Variants in ASTN1 observed in about 807,000 individuals in gnomAD.
The protein encoded by ASTN1 is astrotactin 1.
A neutral mutation model predicts 140.7 loss-of-function variants in ASTN1; 41 were observed. That is an observed-to-expected ratio of 0.29 (90% CI 0.23 to 0.38). ASTN1 has a LOEUF of 0.38. ASTN1 is among the 10% of genes least tolerant of loss of function. ASTN1 has a pLI of 1.00. For synonymous variants in ASTN1, 640 were observed against 652.2 expected (o/e 0.98, Z 0.29); for missense variants, 1,479 against 1,678.8 (o/e 0.88, Z 2.08).
intron 8 of ASTN1, among the ~76,000 whole-genome samples, chr1:176,999,284 A>G (rs931584088): frequency 1.3e-5 from 2 of 152,172 alleles, no homozygotes; most frequent in African/African-American, 2.4e-5. Flanking sequence ...AGGAGCTACA[A>G]TCGATTCACT....
rs1177398516 is a variant in ASTN1, at chr1:176,965,901, C to T, written c.1524-664G>A. 4.0e-5 allele frequency among the ~76,000 whole-genome samples: 6 copies of T among 150,756 alleles called. No individual in the cohort carries two copies. The East Asian group carries it at 9.8e-4, about 24-fold the overall frequency. On this transcript the variant is annotated intron_variant, in intron 8 of 22. Transcript: ENST00000361833. The stretch of plus-strand genomic sequence containing the variant: ...TCACTCAAACAGAAACAATTGAAAT[C>T]GTGTTTGCAAATATTTCTTAACTGT...
chr1:177,153,419 C>T (rs1433721340), intron 1 of ASTN1, among the ~76,000 whole-genome samples: 2 of 151,960 alleles, frequency 1.3e-5, no homozygotes, highest in Admixed American at 6.6e-5. Flanking sequence ...TATAAATGAC[C>T]CAGCCTCAGG....
At chr1:176,964,051 T>C (rs1222075448) in intron 9 of ASTN1, among the ~76,000 whole-genome samples, 1 of 152,162 alleles carries the variant, frequency 6.6e-6, no homozygotes, top group African/African-American at 2.4e-5. Context: ...CTGCTATGGC[T>C]AAGCTGAGTC....
intron 1 of ASTN1, among the ~76,000 whole-genome samples, chr1:177,097,044 T>C (rs1170620693): frequency 2.6e-5 from 4 of 152,000 alleles, no homozygotes; most frequent in African/African-American, 9.7e-5. Context: ...ATTTCTGCTT[T>C]TTTTTTTAAT....
At chr1:176,958,015 T>C (rs1014957254) in intron 10 of ASTN1, among the ~76,000 whole-genome samples, 187 bp from the exon 11 acceptor site, 4 of 152,172 alleles carry the variant, frequency 2.6e-5, no homozygotes, top group Non-Finnish European at 4.4e-5. Flanking sequence ...ATCTAGGAAA[T>C]GAGCCAAGGC....
In ASTN1 at chr1:176,861,083, T is replaced by C. The variant is rs961270287; in HGVS notation, c.*3201A>G. 2.1e-6 allele frequency: 2 copies of C among 954,450 alleles called. No homozygotes were observed. The highest frequency in any genetic ancestry group is 2.5e-6 in the Non-Finnish European group (2 of 801,736). The allele number at this position is 954,450 out of a possible 1,614,324, so 59.1% of individuals were successfully genotyped here. On this transcript the variant is annotated 3_prime_UTR_variant, in exon 23 of 23. Coordinates refer to ENST00000361833, the MANE Select transcript of ASTN1 (RefSeq NM_004319.3). ...CATACCCAATGCTTACTAATAGCTT[T>C]GTTTTATTATTCAGTTAATTATTTC...
At chr1:176,889,770 G>A (rs1328964302) in intron 17 of ASTN1, among the ~76,000 whole-genome samples, 1 of 152,166 alleles carries the variant, frequency 6.6e-6, no homozygotes, top group Non-Finnish European at 1.5e-5. Context: ...GATTTACAGT[G>A]GAGAAGACTG....
intron 20 of ASTN1, among the ~76,000 whole-genome samples, chr1:176,881,789 A>C (rs958342423): frequency 1.3e-5 from 2 of 152,178 alleles, no homozygotes; most frequent in Non-Finnish European, 2.9e-5. Flanking sequence ...TTTTTCCTAT[A>C]TTGAAGACAT....
intron 21 of ASTN1, among the ~76,000 whole-genome samples, chr1:176,875,853 T>C (rs1668537964): frequency 6.6e-6 from 1 of 152,172 alleles, no homozygotes; most frequent in Non-Finnish European, 1.5e-5. Context: ...ACCAGGATGA[T>C]TAAAATTCTG....
chr1:177,120,706 C>T lies in ASTN1; in HGVS notation c.283+43688G>A, dbSNP rs536566782. ...TATCTCACTCAAACAGGCTGTCTCC[C>T]GGTTTTTCTGCCTACATTGGTATTC... On this transcript the variant is annotated intron_variant, in intron 1 of 22. Transcript: ENST00000361833. Among the ~76,000 whole-genome samples the T allele has an allele frequency of 9.2e-5, 14 of 152,234 alleles. No individual in the cohort carries two copies. In the East Asian group the frequency reaches 1.7e-3, roughly 19 times the overall value.
intron 16 of ASTN1, among the ~76,000 whole-genome samples, chr1:176,905,769 G>C (rs1265929499): frequency 6.6e-6 from 1 of 152,060 alleles, no homozygotes; most frequent in Non-Finnish European, 1.5e-5. Context: ...GGTGACCTGT[G>C]CCCTCTGTTT....
At chr1:177,122,348 A>G (rs2102182585) in intron 1 of ASTN1, among the ~76,000 whole-genome samples, 1 of 152,232 alleles carries the variant, frequency 6.6e-6, no homozygotes, top group Admixed American at 6.5e-5. Flanking sequence ...CAGAGAGTAG[A>G]ACTGTCTTTA....
Position 176,934,204 on chromosome 1 carries a change from T to C in ASTN1, c.2619A>G (p.Pro873=). 1 of 1,613,830 alleles carries C rather than the reference T, an allele frequency of 6.2e-7. No homozygotes were observed. The highest frequency in any genetic ancestry group is 8.5e-7 in the Non-Finnish European group (1 of 1,179,762). ...GFEESCSIWY[P]NKQVQRRLWL... is the part of the protein sequence containing the mutation. ...AGAGTCGCCGCTGGACCTGCTTGTTTGGGTACCAGATAGAACAGGACTCCT... is the reference window on the plus strand; with the variant it reads ...AGAGTCGCCGCTGGACCTGCTTGTTCGGGTACCAGATAGAACAGGACTCCT... The change falls in exon 16 of 23, where the codon CCA becomes CCG. Residue 873 remains proline (P), a synonymous_variant. Transcript: ENST00000361833.
At chr1:176,999,996 G>A (rs1041268725) in intron 8 of ASTN1, among the ~76,000 whole-genome samples, 2 of 152,166 alleles carry the variant, frequency 1.3e-5, no homozygotes, top group Non-Finnish European at 2.9e-5. Context: ...GGAGTAATAC[G>A]AATGTATGTT....
At chr1:176,967,703 G>A (rs1378880591) in intron 8 of ASTN1, among the ~76,000 whole-genome samples, 1 of 152,168 alleles carries the variant, frequency 6.6e-6, no homozygotes, top group Non-Finnish European at 1.5e-5. Flanking sequence ...TCAAGCCAAA[G>A]CCAAAGTTAA....
Position 176,863,219 on chromosome 1 carries a change from T to G in ASTN1, c.*1065A>C. 1 of 985,902 alleles carries G rather than the reference T, an allele frequency of 1.0e-6. No individual in the cohort carries two copies. The highest frequency in any genetic ancestry group is 1.2e-6 in the Non-Finnish European group (1 of 829,934). The allele number at this position is 985,902 out of a possible 1,614,324, so 61.1% of individuals were successfully genotyped here. A position where few individuals can be genotyped will look rare whatever the true frequency, so the allele number is the denominator to read the frequency against. ...TCATCAGAGAAACGATTTGCAAAAC[T>G]AGCAACACAAGCAAATTTAGCAAGG... On this transcript the variant is annotated 3_prime_UTR_variant, in exon 23 of 23. Coordinates refer to ENST00000361833, the MANE Select transcript of ASTN1 (RefSeq NM_004319.3).
intron 18 of ASTN1, among the ~76,000 whole-genome samples, chr1:176,887,113 C>T (rs897450551): frequency 3.9e-5 from 6 of 152,170 alleles, no homozygotes; most frequent in Non-Finnish European, 5.9e-5. Context: ...CATCCCCAGC[C>T]CTCTGCTCTT....
At chr1:177,119,467 G>T (rs1484071730) in intron 1 of ASTN1, among the ~76,000 whole-genome samples, 2 of 151,956 alleles carry the variant, frequency 1.3e-5, no homozygotes, top group Non-Finnish European at 2.9e-5. Flanking sequence ...TCACAGCCCT[G>T]CAGGCTGCAA....
intron 1 of ASTN1, among the ~76,000 whole-genome samples, chr1:177,102,764 G>C (rs1680362436): frequency 6.6e-6 from 1 of 152,116 alleles, no homozygotes; most frequent in Non-Finnish European, 1.5e-5. Flanking sequence ...CAAAAGGTTA[G>C]GTATCCACCT....
Sources: allele counts gnomAD v4.1 joint callset (sites outside exome capture counted in the v4.1 genomes callset), GRCh38; gene constraint gnomAD v4.1.1; transcripts MANE v1.5; gene names NCBI Gene and HGNC (gene_info 2026-07-23, HGNC 2026-07-21).